Variants in STK32B observed in about 807,000 individuals in gnomAD.
STK32B encodes the protein serine/threonine kinase 32B.
In STK32B, 43 loss-of-function variants were observed where a neutral mutation model predicts 52.6. That is an observed-to-expected ratio of 0.82 (90% CI 0.64 to 1.05). The LOEUF is 1.05. STK32B is among the 50% of genes least tolerant of loss of function. The pLI, the probability that STK32B is intolerant of heterozygous loss-of-function variation, is 0.00. For missense variants in STK32B, 621 were observed against 534.6 expected (o/e 1.16, Z -1.59); for synonymous variants, 238 against 204.3 (o/e 1.17, Z -1.41).
chr4:5,054,385 C>T (rs4689980), intron 1 of STK32B, among the ~76,000 whole-genome samples: 40,033 of 151,670 alleles, frequency 0.26, 5,512 homozygotes, highest in East Asian at 0.5. Flanking sequence ...CTCTTTTAGA[C>T]TGGCATCTTG....
chr4:5,460,452 C>G lies in STK32B; in HGVS notation c.909+224C>G, dbSNP rs1225267116. On this transcript the variant is annotated intron_variant, in intron 9 of 11. Coordinates refer to ENST00000282908, the MANE Select transcript of STK32B (RefSeq NM_018401.3). This position sits in a 1 kb window ranked among gnomAD's most constrained non-coding sequence, Gnocchi z 4.8. ...TGGTAGGTCCTTTGGGGGTGCCAAG[C>G]CTTCTCTCTGTCACTGAATCCCACC... Among the ~76,000 whole-genome samples the G allele has an allele frequency of 6.6e-6, 1 of 152,224 alleles. No individual in the cohort carries two copies. Among genetic ancestry groups the G allele is most frequent in the Non-Finnish European group, 1.5e-5 (1 of 68,042 alleles).
chr4:5,020,077 G>A, the STK32B span, among the ~76,000 whole-genome samples: 2 of 152,162 alleles, frequency 1.3e-5, no homozygotes, highest in East Asian at 3.9e-4. Context: ...CTCACTGAGC[G>A]GCCGTATGTG....
In STK32B at chr4:5,139,942, T is replaced by A. The variant is rs773764411; in HGVS notation, c.90T>A (p.Gly30=). ...FDHFQILRAI[G]KGSFGKVCIV... is the part of the protein sequence containing the mutation. Reference sequence around the variant, plus strand: ...ATTTTCAGATTCTGCGGGCCATTGGTAAAGGGAGTTTTGGAAAGGTAAGAA... The same window carrying A: ...ATTTTCAGATTCTGCGGGCCATTGGAAAAGGGAGTTTTGGAAAGGTAAGAA... The change falls in exon 2 of 12, where the codon GGT becomes GGA. Residue 30 remains glycine, a synonymous_variant. Transcript: ENST00000282908. The A allele has an allele frequency of 1.3e-4, 214 of 1,614,060 alleles. No individual in the cohort carries two copies. The highest frequency in any genetic ancestry group is 1.7e-4 in the Non-Finnish European group (197 of 1,180,030).
At chr4:5,152,558 G>T (rs1717456945) in intron 2 of STK32B, among the ~76,000 whole-genome samples, 1 of 152,258 alleles carries the variant, frequency 6.6e-6, no homozygotes, top group African/African-American at 2.4e-5. Flanking sequence ...ACTCACCCCG[G>T]TGGGCTTCTG....
At chr4:5,432,816 T>C (rs1377409371) in intron 6 of STK32B, among the ~76,000 whole-genome samples, 1 of 152,144 alleles carries the variant, frequency 6.6e-6, no homozygotes, top group Admixed American at 6.5e-5. Context: ...CTAGATACCA[T>C]TTATTGAGCA....
intron 1 of STK32B, among the ~76,000 whole-genome samples, chr4:5,083,084 A>G (rs1712526862): frequency 6.6e-6 from 1 of 152,208 alleles, no homozygotes; most frequent in Non-Finnish European, 1.5e-5. Context: ...TGAACATTCT[A>G]GTGCATATCA....
intron 3 of STK32B, among the ~76,000 whole-genome samples, chr4:5,264,790 C>CAA (rs199565113): frequency 6.8e-6 from 1 of 146,062 alleles, no homozygotes; most frequent in African/African-American, 2.5e-5. Context: ...CCATCTCAAA[C>CAA]AAAAAAAAAA....
chr4:5,385,518 A>G (rs1045195544), intron 4 of STK32B, among the ~76,000 whole-genome samples: 3 of 151,984 alleles, frequency 2.0e-5, no homozygotes, highest in African/African-American at 7.3e-5. Flanking sequence ...AGATGGCTAC[A>G]TCAGGAAAGG....
At chr4:5,075,604 C>G (rs975153039) in intron 1 of STK32B, among the ~76,000 whole-genome samples, 9 of 152,008 alleles carry the variant, frequency 5.9e-5, no homozygotes, top group African/African-American at 2.2e-4. Flanking sequence ...GAATCTTAAC[C>G]AAATTCAATT....
At chr4:5,074,179 AAT>A (rs202089861) in intron 1 of STK32B, among the ~76,000 whole-genome samples, 3 of 128,194 alleles carry the variant, frequency 2.3e-5, no homozygotes, top group South Asian at 3.1e-4. Flanking sequence ...TTCATTTGTA[AAT>A]ATATATATGT....
At chr4:5,040,388 A>ATTTTTTTTTTTTTTTTTTTTTTTTTTT in the STK32B span, among the ~76,000 whole-genome samples, 1 of 118,732 alleles carries the variant, frequency 8.4e-6, no homozygotes. Flanking sequence ...TGGCAGTAGA[A>ATTTTTTTTTTTTTTTTTTTTTTTTTTT]TTTTTTTTTT....
chr4:5,480,849 T>TG (rs1184691610), intron 11 of STK32B, among the ~76,000 whole-genome samples: 1 of 152,102 alleles, frequency 6.6e-6, no homozygotes, highest in African/African-American at 2.4e-5. Context: ...GTTTTGTCCT[T>TG]GCGATAGTTT....
chr4:5,075,679 G>C (rs1471714002), intron 1 of STK32B, among the ~76,000 whole-genome samples: 3 of 151,830 alleles, frequency 2.0e-5, no homozygotes, highest in African/African-American at 7.3e-5. Context: ...GAAAAATTTA[G>C]GAAACCTGAA....
rs555178346 is a variant in STK32B at position 5,200,542 on chromosome 4, C to T, written c.260+32092C>T. Among the ~76,000 whole-genome samples the T allele has an allele frequency of 1.3e-4, 20 of 152,218 alleles. No individual in the cohort carries two copies. In the South Asian group the frequency reaches 3.3e-3, roughly 25 times the overall value. On this transcript the variant is annotated intron_variant, in intron 3 of 11. Transcript: ENST00000282908. Reference sequence around the variant, plus strand: ...GTAGAGCAGGCCCACAGGGATCGTGCGGCAGATGGGAGGGAGAGCACGGCT... The same window carrying T: ...GTAGAGCAGGCCCACAGGGATCGTGTGGCAGATGGGAGGGAGAGCACGGCT...
At chr4:5,317,316 G>A (rs1315315482) in intron 3 of STK32B, among the ~76,000 whole-genome samples, 353 of 28,098 alleles carry the variant, frequency 0.013, 57 homozygotes, top group African/African-American at 0.11. Flanking sequence ...TATAACATAT[G>A]TATAATATAT....
chr4:5,086,676 A>C (rs1459014385), intron 1 of STK32B, among the ~76,000 whole-genome samples: 2 of 152,206 alleles, frequency 1.3e-5, no homozygotes, highest in African/African-American at 4.8e-5. Context: ...AAACTGTCAC[A>C]GTTAAACACA....
chr4:5,123,796 C>T (rs1472251661), intron 1 of STK32B, among the ~76,000 whole-genome samples: 1 of 151,942 alleles, frequency 6.6e-6, no homozygotes, highest in Non-Finnish European at 1.5e-5. Context: ...GGTTAGGATT[C>T]AGCACATGAG....
chr4:5,252,203 C>A (rs965103461), intron 3 of STK32B, among the ~76,000 whole-genome samples: 1 of 152,158 alleles, frequency 6.6e-6, no homozygotes, highest in Non-Finnish European at 1.5e-5. Flanking sequence ...TTATCCCCTT[C>A]CCCACATATA....
chr4:5,309,882 G>T (rs1160483038), intron 3 of STK32B, among the ~76,000 whole-genome samples: 3 of 152,114 alleles, frequency 2.0e-5, no homozygotes, highest in African/African-American at 4.8e-5. Flanking sequence ...ATAGAAAAAT[G>T]GGGCTGGGTG....
Sources: gnomAD v4.1 joint callset for allele counts (sites outside exome capture counted in the v4.1 genomes callset) on GRCh38, gnomAD v4.1.1 for gene constraint, Gnocchi (gnomAD v3.1) non-coding constraint, MANE v1.5 for transcripts, NCBI Gene and HGNC (gene_info 2026-07-23, HGNC 2026-07-21) for gene names.